PAPSS2: variants seen among roughly 807,000 people sequenced by gnomAD.
PAPSS2 encodes the protein 3'-phosphoadenosine 5'-phosphosulfate synthase 2, also known as bifunctional 3'-phosphoadenosine 5'-phosphosulfate synthase 2.
PAPSS2 carries 61 observed loss-of-function variants against 66.5 expected under a neutral mutation model. The ratio of observed to expected loss-of-function variants is 0.92; its 90% CI spans 0.75 to 1.14. The LOEUF (loss-of-function observed/expected upper bound fraction) is 1.14. Among genes scored for constraint, PAPSS2 ranks in the 50% most tolerant of loss-of-function variants. PAPSS2 has a pLI of 0.00. For missense variants in PAPSS2, 708 were observed against 789.6 expected (o/e 0.90, Z 1.24); for synonymous variants, 289 against 287.5 (o/e 1.01, Z -0.05).
chr10:87,704,790 C>T (rs879577122), intron 1 of PAPSS2, among the ~76,000 whole-genome samples: 6 of 151,942 alleles, frequency 3.9e-5, no homozygotes, highest in Non-Finnish European at 8.8e-5. Flanking sequence ...TACAGGCATG[C>T]GCCACCCTGC....
chr10:87,705,571 G>A (rs1250486090), intron 1 of PAPSS2, among the ~76,000 whole-genome samples: 1 of 152,116 alleles, frequency 6.6e-6, no homozygotes, highest in African/African-American at 2.4e-5. Flanking sequence ...GCTGCCATTA[G>A]ATATTATCAG....
At chr10:87,705,147 T>C (rs777011727) in intron 1 of PAPSS2, among the ~76,000 whole-genome samples, 5 of 152,224 alleles carry the variant, frequency 3.3e-5, no homozygotes, top group Non-Finnish European at 7.4e-5. Context: ...TTCTGTATTT[T>C]GGGACTTCAT....
At chr10:87,710,743 A>G (rs903705857) in intron 2 of PAPSS2, among the ~76,000 whole-genome samples, 2 of 152,176 alleles carry the variant, frequency 1.3e-5, no homozygotes, top group Admixed American at 1.3e-4. Flanking sequence ...GCTCTTGCCT[A>G]TAATCCCAGC....
At chr10:87,676,980 G>A (rs990151221) in intron 1 of PAPSS2, among the ~76,000 whole-genome samples, 3 of 150,542 alleles carry the variant, frequency 2.0e-5, no homozygotes, top group Non-Finnish European at 4.4e-5. Context: ...GATCACTTGA[G>A]GTCAGGAGTT....
At chr10:87,677,386 A>C (rs1192354792) in intron 1 of PAPSS2, among the ~76,000 whole-genome samples, 1 of 152,200 alleles carries the variant, frequency 6.6e-6, no homozygotes, top group African/African-American at 2.4e-5. Context: ...ATATTTTGAA[A>C]AATATATGCC....
rs762088120 is a variant in PAPSS2, at chr10:87,727,322, G to A, written c.919G>A (p.Val307Ile). Residue 307 changes from valine (V) to isoleucine (I), a missense_variant, in exon 9 of 13, where the codon GTC becomes ATC. Physicochemically the swap from Val to Ile is conservative, Grantham distance 29. Transcript: ENST00000456849. ...CATGAGCATCCCCATTGTACTGCCC[G>A]TCTCTGCAGAGGATAAGACACGGCT... ...INMSIPIVLPVSAEDKTRLEG... is the reference protein window; with the variant it reads ...INMSIPIVLPISAEDKTRLEG... 1.8e-5 allele frequency: 29 copies of A among 1,613,718 alleles called. No homozygotes were observed. Among genetic ancestry groups the A allele is most frequent in the Admixed American group, 1.2e-4 (7 of 60,000 alleles).
At chr10:87,673,247 CTA>C (rs1172014023) in intron 1 of PAPSS2, among the ~76,000 whole-genome samples, 1 of 152,166 alleles carries the variant, frequency 6.6e-6, no homozygotes, top group Non-Finnish European at 1.5e-5. Context: ...CTGTGGAACA[CTA>C]GTGTGTCTAC....
At chr10:87,703,787 C>T (rs1478829755) in intron 1 of PAPSS2, 1 of 518,764 alleles carries the variant, frequency 1.9e-6, no homozygotes, top group Non-Finnish European at 3.8e-6. Context: ...GCAAAATTGT[C>T]TTAGGGACCC....
At chr10:87,683,091 T>C (rs1378353689) in intron 1 of PAPSS2, among the ~76,000 whole-genome samples, 3 of 127,686 alleles carry the variant, frequency 2.3e-5, no homozygotes, top group African/African-American at 8.5e-5. Context: ...CTTTTTCTTT[T>C]TTCTTTTTTT....
chr10:87,714,244 C>A, intron 4 of PAPSS2, 62 bp downstream of exon 4: 2 of 1,564,730 alleles, frequency 1.3e-6, no homozygotes, highest in East Asian at 2.2e-5. Flanking sequence ...AGTCCTTATT[C>A]TGTCCTCAGA....
rs780323088 is a variant in PAPSS2 at position 87,727,254 on chromosome 10, T to C, written c.881-30T>C. Reference sequence around the variant, plus strand: ...CAAGGATGGCACACCTTATATCTAGTTTTCGTGCATCACATGGCTCTTTCC... The same window carrying C: ...CAAGGATGGCACACCTTATATCTAGCTTTCGTGCATCACATGGCTCTTTCC... On this transcript the variant is annotated intron_variant, in intron 8 of 12. Coordinates refer to ENST00000456849, the MANE Select transcript of PAPSS2 (RefSeq NM_001015880.2). 11 of 1,589,514 alleles carry C rather than the reference T, an allele frequency of 6.9e-6. 1 individual carries two copies. The East Asian group carries it at 1.8e-4, about 26-fold the overall frequency.
intron 1 of PAPSS2, among the ~76,000 whole-genome samples, chr10:87,671,629 C>T (rs1852879255): frequency 6.6e-6 from 1 of 152,190 alleles, no homozygotes; most frequent in Non-Finnish European, 1.5e-5. Context: ...GTTCCCAAAG[C>T]CCCACAGGCT....
At position 87,706,911 on chromosome 10, in the gene PAPSS2, C is replaced by T. The variant is rs375408746; in HGVS notation, c.28-2285C>T. Among the ~76,000 whole-genome samples the T allele has an allele frequency of 1.1e-4, 17 of 152,308 alleles. 1 individual carries two copies. In the South Asian group the frequency reaches 2.9e-3, roughly 26 times the overall value. On this transcript the variant is annotated intron_variant, in intron 1 of 12. Transcript: ENST00000456849. ...AAGCCATCACTGCTGTCTCATCTAC[C>T]GCATTCTGGGACTATGCCCAGCCAC...
chr10:87,724,383 C>A (rs1853632228), intron 8 of PAPSS2, among the ~76,000 whole-genome samples: 1 of 151,628 alleles, frequency 6.6e-6, no homozygotes, highest in East Asian at 1.9e-4. Context: ...TGTAATGGTG[C>A]CCTGAAGATG....
At position 87,709,858 on chromosome 10, in the gene PAPSS2, C is replaced by T. The variant is rs572878636; in HGVS notation, c.145+545C>T. On this transcript the variant is annotated intron_variant, in intron 2 of 12. Transcript: ENST00000456849. ...AATTTCCATTTGGCTGAGGATTGCCCTTGTTTACAGAAATAACTTGCTGCT... is the reference window on the plus strand; with the variant it reads ...AATTTCCATTTGGCTGAGGATTGCCTTTGTTTACAGAAATAACTTGCTGCT... Among the ~76,000 whole-genome samples the T allele has an allele frequency of 1.3e-5, 2 of 152,282 alleles. 1 individual carries two copies. The highest frequency in any genetic ancestry group is 4.1e-4 in the South Asian group (2 of 4,824).
At chr10:87,738,050 T>C (rs1174821339) in intron 9 of PAPSS2, among the ~76,000 whole-genome samples, 1 of 152,200 alleles carries the variant, frequency 6.6e-6, no homozygotes, top group East Asian at 1.9e-4. Flanking sequence ...TGTGACAGGA[T>C]TTCCTTCCTT....
intron 8 of PAPSS2, among the ~76,000 whole-genome samples, chr10:87,724,777 A>G (rs1023764799): frequency 6.7e-6 from 1 of 149,750 alleles, no homozygotes; most frequent in Non-Finnish European, 1.5e-5. Context: ...ATATCTGAAT[A>G]GATAACAATA....
intron 1 of PAPSS2, among the ~76,000 whole-genome samples, chr10:87,700,509 T>C (rs1853289264): frequency 2.0e-5 from 3 of 151,930 alleles, no homozygotes; most frequent in African/African-American, 7.3e-5. Flanking sequence ...AATACAAAAA[T>C]TGGCCAGCCA....
intron 3 of PAPSS2, among the ~76,000 whole-genome samples, 177 bp from the exon 4 acceptor site, chr10:87,713,867 T>C (rs978792315): frequency 1.1e-4 from 17 of 152,128 alleles, no homozygotes; most frequent in Non-Finnish European, 1.5e-5. Context: ...TCTGTGAAAG[T>C]CCTTGAGAGA....
Sources: gnomAD v4.1 joint callset for allele counts (sites outside exome capture counted in the v4.1 genomes callset) on GRCh38, gnomAD v4.1.1 for gene constraint, MANE v1.5 for transcripts, NCBI Gene and HGNC (gene_info 2026-07-23, HGNC 2026-07-21) for gene names.